Variants in PRKG1 observed in about 807,000 individuals in gnomAD.
PRKG1 encodes protein kinase cGMP-dependent 1.
In PRKG1, 35 loss-of-function variants were observed where a neutral mutation model predicts 88.1. The ratio of observed to expected loss-of-function variants is 0.40; its 90% CI spans 0.30 to 0.53. The LOEUF (loss-of-function observed/expected upper bound fraction) is 0.53. Among genes scored for constraint, PRKG1 ranks in the 20% least tolerant of loss-of-function variants. The pLI is 0.59. For missense variants in PRKG1, 540 were observed against 839.8 expected, an observed-to-expected ratio of 0.64 and a Z score of 4.41; for synonymous variants, 303 against 292.5, an observed-to-expected ratio of 1.04 and a Z score of -0.37.
intron 5 of PRKG1, chr10:51,909,552 G>A (rs1249846097): frequency 2.0e-5 from 3 of 151,872 alleles, no homozygotes; most frequent in African/African-American, 7.3e-5. Flanking sequence ...ATTGAAAATT[G>A]GATATACGTG....
chr10:51,505,558 G>C (rs1263099229), intron 3 of PRKG1, among the ~76,000 whole-genome samples: 2 of 151,992 alleles, frequency 1.3e-5, no homozygotes, highest in Admixed American at 6.6e-5. Flanking sequence ...ACCAGCTCCT[G>C]CTTGTACCTC....
At chr10:52,014,228 G>A (rs1362148412) in intron 5 of PRKG1, among the ~76,000 whole-genome samples, 4 of 152,146 alleles carry the variant, frequency 2.6e-5, no homozygotes, top group Admixed American at 6.5e-5. Context: ...AGGTTTAATC[G>A]ACTCATGGTT....
chr10:52,196,095 C>T (rs11001142), intron 9 of PRKG1, among the ~76,000 whole-genome samples: 5,190 of 152,204 alleles, frequency 0.034, 313 homozygotes, highest in African/African-American at 0.12. Flanking sequence ...TCACTGCAAG[C>T]TCCGCCTCCT....
chr10:51,063,308 G>T (rs907996989), intron 1 of PRKG1, among the ~76,000 whole-genome samples: 2 of 152,064 alleles, frequency 1.3e-5, no homozygotes, highest in African/African-American at 4.8e-5. Context: ...TTATCATTGT[G>T]CAAACATCAA....
intron 2 of PRKG1, among the ~76,000 whole-genome samples, chr10:51,221,848 A>G (rs978159561): frequency 3.4e-5 from 5 of 145,240 alleles, no homozygotes; most frequent in African/African-American, 5.1e-5. Flanking sequence ...TCCCCTTTAT[A>G]TTTTTGTTTC....
chr10:51,040,311 CTTTTTTTTTTTTTTTT>C (rs34444612), intron 1 of PRKG1, among the ~76,000 whole-genome samples: 1 of 42,584 alleles, frequency 2.3e-5, no homozygotes. Flanking sequence ...TTCTTTTTCT[CTTTTTTTTTTTTTTTT>C]TTTTTTTTTG....
intron 2 of PRKG1, among the ~76,000 whole-genome samples, chr10:51,349,921 C>T (rs918395514): frequency 5.3e-5 from 8 of 151,936 alleles, no homozygotes; most frequent in African/African-American, 1.9e-4. Flanking sequence ...CAGCTTCTGC[C>T]CTAAATGAGC....
intron 3 of PRKG1, among the ~76,000 whole-genome samples, chr10:51,666,716 T>C (rs1036018946): frequency 6.6e-6 from 1 of 152,188 alleles, no homozygotes; most frequent in Non-Finnish European, 1.5e-5. Flanking sequence ...AGGTTCATGG[T>C]TCCTTGGCTA....
intron 3 of PRKG1, among the ~76,000 whole-genome samples, chr10:51,745,378 C>A (rs953463558): frequency 6.6e-6 from 1 of 151,924 alleles, no homozygotes; most frequent in Non-Finnish European, 1.5e-5. Flanking sequence ...GACAGGAAGG[C>A]GCAAAGATTT....
chr10:51,784,391 C>T (rs147652919), intron 3 of PRKG1, among the ~76,000 whole-genome samples: 609 of 152,138 alleles, frequency 4.0e-3, no homozygotes, highest in African/African-American at 0.014. Flanking sequence ...AGCATCAGCT[C>T]GTGTGTGTTC....
chr10:51,878,237 T>C (rs1166113862), intron 4 of PRKG1, among the ~76,000 whole-genome samples: 1 of 82,850 alleles, frequency 1.2e-5, no homozygotes, highest in African/African-American at 6.2e-5. Flanking sequence ...TGTATGTATA[T>C]ATGTGTGAAT....
At position 51,074,785 on chromosome 10, in the gene PRKG1, G is replaced by T. The variant is rs1316840663; in HGVS notation, c.195G>T (p.Ala65=). Residue 65 remains alanine (A), a synonymous_variant, in exon 1 of 18, where the codon GCG becomes GCT. Coordinates refer to ENST00000373980, the MANE Select transcript of PRKG1 (RefSeq NM_006258.4). ...PATQQAQKQS[A]STLQGEPRTK... ...CCCAGCAGGCGCAGAAGCAGAGCGC[G>T]AGCACCTTGCAGGGCGAGCCGCGCA... 1.2e-6 allele frequency: 2 copies of T among 1,613,934 alleles called. No individual in the cohort carries two copies. The highest frequency in any genetic ancestry group is 2.2e-5 in the South Asian group (2 of 91,058).
chr10:51,840,710 C>T (rs1343975309), intron 4 of PRKG1, among the ~76,000 whole-genome samples: 2 of 152,050 alleles, frequency 1.3e-5, no homozygotes, highest in Non-Finnish European at 2.9e-5. Context: ...CCATGCCTGG[C>T]TAATTTTTTA....
intron 3 of PRKG1, among the ~76,000 whole-genome samples, chr10:51,478,064 C>A (rs542414289): frequency 6.6e-5 from 10 of 152,016 alleles, no homozygotes; most frequent in African/African-American, 2.4e-4. Context: ...CTGTGTTGTC[C>A]CATAGTCCTG....
chr10:51,987,603 G>A (rs1844196267), intron 5 of PRKG1, among the ~76,000 whole-genome samples: 1 of 151,968 alleles, frequency 6.6e-6, no homozygotes, highest in African/African-American at 2.4e-5. Flanking sequence ...ATGGGCTTCA[G>A]TGTTTCACAC....
intron 2 of PRKG1, among the ~76,000 whole-genome samples, chr10:51,407,091 G>T (rs1837941328): frequency 6.6e-6 from 1 of 152,082 alleles, no homozygotes; most frequent in Admixed American, 6.5e-5. Flanking sequence ...ATGCCCACCG[G>T]GATTAAGTGT....
chr10:51,061,571 C>T (rs1306805937), intron 1 of PRKG1, among the ~76,000 whole-genome samples: 1 of 152,168 alleles, frequency 6.6e-6, no homozygotes, highest in East Asian at 1.9e-4. Flanking sequence ...TTGCTGTATT[C>T]TCTATTTTCT....
chr10:51,401,535 C>G (rs1837739835), intron 2 of PRKG1, among the ~76,000 whole-genome samples: 1 of 152,216 alleles, frequency 6.6e-6, no homozygotes, highest in Non-Finnish European at 1.5e-5. Flanking sequence ...CTTTTCCCCT[C>G]TTCCCTGAAA....
chr10:51,472,711 T>C (rs1023093719), intron 3 of PRKG1, among the ~76,000 whole-genome samples: 2 of 151,928 alleles, frequency 1.3e-5, no homozygotes, highest in Non-Finnish European at 2.9e-5. Flanking sequence ...AGCAACACTG[T>C]CCATCAGCAC....
Sources: gnomAD v4.1 joint callset for allele counts (sites outside exome capture counted in the v4.1 genomes callset) on GRCh38, gnomAD v4.1.1 for gene constraint, MANE v1.5 for transcripts, NCBI Gene and HGNC (gene_info 2026-07-23, HGNC 2026-07-21) for gene names.